The following C12orf54 variants were observed in gnomAD, a reference collection of about 807,000 sequenced individuals.
The protein encoded by C12orf54 is uncharacterized protein C12orf54.
Under a neutral mutation model 26.4 loss-of-function variants are expected in C12orf54, and 24 were observed. The observed-to-expected ratio is 0.91, with a 90% CI of 0.66 to 1.28. The LOEUF (loss-of-function observed/expected upper bound fraction) is 1.28, where lower values mean the gene tolerates loss of function less well. Ranked by LOEUF, C12orf54 falls within the 50% of genes most tolerant of loss-of-function variation. The probability of loss-of-function intolerance (pLI) is 0.00; values close to 1 mark genes in which losing one functional copy is unlikely to be tolerated. For synonymous variants in C12orf54, 54 were observed against 47.0 expected (o/e 1.15, Z -0.61); for missense variants, 154 against 150.9 (o/e 1.02, Z -0.11).
the C12orf54 span, among the ~76,000 whole-genome samples, chr12:48,426,917 GT>G: frequency 6.6e-6 from 1 of 151,994 alleles, no homozygotes; most frequent in Non-Finnish European, 1.5e-5. Context: ...AAGAATTTTT[GT>G]ACACTGATTT....
chr12:48,440,738 G>A, the C12orf54 span, among the ~76,000 whole-genome samples: 1 of 152,198 alleles, frequency 6.6e-6, no homozygotes, highest in Non-Finnish European at 1.5e-5. Flanking sequence ...TATGGGACAT[G>A]CCTAGGTCCA....
chr12:48,434,543 G>A, the C12orf54 span, among the ~76,000 whole-genome samples: 363 of 152,248 alleles, frequency 2.4e-3, no homozygotes, highest in African/African-American at 4.1e-3. Flanking sequence ...TCACACGGCC[G>A]GGTACTCCTC....
At chr12:48,429,889 G>A in the C12orf54 span, among the ~76,000 whole-genome samples, 2 of 152,054 alleles carry the variant, frequency 1.3e-5, no homozygotes, top group African/African-American at 2.4e-5. Context: ...AAATCTGGAG[G>A]CATCATACTA....
chr12:48,463,461 C>A, the C12orf54 span, among the ~76,000 whole-genome samples: 1 of 151,808 alleles, frequency 6.6e-6, no homozygotes, highest in Non-Finnish European at 1.5e-5. Flanking sequence ...AAGCCCAGGA[C>A]CAGGTAGAAT....
chr12:48,455,712 G>A, the C12orf54 span, among the ~76,000 whole-genome samples: 121 of 152,342 alleles, frequency 7.9e-4, 2 homozygotes, highest in African/African-American at 2.6e-3. Context: ...GGCACTGGAA[G>A]TCTAGAGAAC....
the C12orf54 span, among the ~76,000 whole-genome samples, chr12:48,437,511 T>TG: frequency 1.3e-5 from 2 of 152,200 alleles, no homozygotes; most frequent in East Asian, 3.9e-4. Context: ...AGTAAAATAC[T>TG]GGCAAACAGA....
At chr12:48,467,450 A>G in the C12orf54 span, among the ~76,000 whole-genome samples, 1 of 152,240 alleles carries the variant, frequency 6.6e-6, no homozygotes, top group Non-Finnish European at 1.5e-5. Flanking sequence ...AATACTACTC[A>G]GCAATGAAAA....
At chr12:48,485,437 G>GA (rs1414604963) in intron 2 of C12orf54, among the ~76,000 whole-genome samples, 1 of 152,084 alleles carries the variant, frequency 6.6e-6, no homozygotes, top group Non-Finnish European at 1.5e-5. Flanking sequence ...GCCCTGTTTA[G>GA]AAAAACTTAC....
chr12:48,456,622 G>A, the C12orf54 span, among the ~76,000 whole-genome samples: 6 of 152,264 alleles, frequency 3.9e-5, no homozygotes, highest in Admixed American at 2.6e-4. Flanking sequence ...TCTTTGCCTG[G>A]AAAATGGCTT....
intron 5 of C12orf54, among the ~76,000 whole-genome samples, chr12:48,489,920 C>T (rs1296039976): frequency 6.6e-6 from 1 of 151,984 alleles, no homozygotes; most frequent in Non-Finnish European, 1.5e-5. Context: ...TGGGGTTTCA[C>T]CATGTTGATC....
At chr12:48,479,603 G>T (rs535857843), upstream of C12orf54, among the ~76,000 whole-genome samples, 9 of 145,672 alleles carry the variant, frequency 6.2e-5, no homozygotes, top group South Asian at 1.3e-3. Flanking sequence ...GTTTTGTTTT[G>T]TTTTTTTTTT....
At chr12:48,447,726 C>T in the C12orf54 span, among the ~76,000 whole-genome samples, 1 of 152,130 alleles carries the variant, frequency 6.6e-6, no homozygotes, top group African/African-American at 2.4e-5. Context: ...AAGTCTATGA[C>T]TGCTACCTTA....
rs1436203163 is a variant in C12orf54, at chr12:48,493,000, G to A, written c.242+5G>A. 3 of 1,613,408 alleles carry A rather than the reference G, an allele frequency of 1.9e-6. No homozygotes were observed. The highest frequency in any genetic ancestry group is 1.1e-5 in the South Asian group (1 of 91,064). On this transcript the variant is annotated splice_donor_5th_base_variant and intron_variant, in intron 7 of 8. Transcript: ENST00000548364. ...GACATCAGCACCCAGGACTGGGTAA[G>A]TGTCCCTATTCTGACAATGTTCAAG...
the C12orf54 span, chr12:48,417,234 G>C: frequency 2.0e-5 from 3 of 152,240 alleles, no homozygotes; most frequent in Non-Finnish European, 4.4e-5. Flanking sequence ...TCAGGGCCAG[G>C]AAGTAAACTC....
chr12:48,486,168 T>C lies in C12orf54; in HGVS notation c.66-10T>C, dbSNP rs11168599. 1 of 1,606,686 alleles carries C rather than the reference T, an allele frequency of 6.2e-7. No individual in the cohort carries two copies. The highest frequency in any genetic ancestry group is 8.5e-7 in the Non-Finnish European group (1 of 1,173,228). On this transcript the variant is annotated splice_polypyrimidine_tract_variant and intron_variant, in intron 2 of 8. Transcript: ENST00000548364. ...CTCCTCATCAGGTTTATATCATTCT[T>C]TCTTTGCAGCACATCCATAGAAGAG...
chr12:48,491,307 G>C (rs1325223402), intron 6 of C12orf54, among the ~76,000 whole-genome samples: 2 of 152,208 alleles, frequency 1.3e-5, no homozygotes, highest in African/African-American at 4.8e-5. Context: ...GGAGGAAGGA[G>C]TAAAGGAATT....
chr12:48,421,976 A>G, the C12orf54 span, among the ~76,000 whole-genome samples: 1 of 152,248 alleles, frequency 6.6e-6, no homozygotes, highest in Non-Finnish European at 1.5e-5. Context: ...ACTCTAAAAC[A>G]AAACTAAGAG....
the C12orf54 span, among the ~76,000 whole-genome samples, chr12:48,457,073 T>A: frequency 6.6e-5 from 10 of 152,126 alleles, no homozygotes; most frequent in Non-Finnish European, 1.3e-4. Context: ...TAGTTACTTG[T>A]GTCTGTCTCC....
the C12orf54 span, among the ~76,000 whole-genome samples, chr12:48,453,748 A>T: frequency 0.68 from 101,596 of 149,224 alleles, 35,158 homozygotes; most frequent in East Asian, 0.84. Context: ...CATTGCCTGT[A>T]TCAAACACAC....
Sources: allele counts gnomAD v4.1 joint callset (sites outside exome capture counted in the v4.1 genomes callset), GRCh38; gene constraint gnomAD v4.1.1; transcripts MANE v1.5; gene names NCBI Gene and HGNC (gene_info 2026-07-23, HGNC 2026-07-21).